MAGI2: variants seen among roughly 807,000 people sequenced by gnomAD.
The protein encoded by MAGI2 is membrane-associated guanylate kinase, WW and PDZ domain-containing protein 2.
In MAGI2, 35 loss-of-function variants were observed where a neutral mutation model predicts 133.3. The observed-to-expected ratio is 0.26, with a 90% CI of 0.20 to 0.35. The LOEUF (loss-of-function observed/expected upper bound fraction) is 0.35. Ranked by LOEUF, MAGI2 falls within the 10% of genes least tolerant of loss-of-function variation. MAGI2 has a pLI of 1.00. For synonymous variants in MAGI2, 729 were observed against 710.6 expected, an observed-to-expected ratio of 1.03 and a Z score of -0.41; for missense variants, 1,636 against 1,863.4, an observed-to-expected ratio of 0.88 and a Z score of 2.25.
chr7:78,379,332 A>G (rs1208210707), intron 6 of MAGI2, among the ~76,000 whole-genome samples: 1 of 152,024 alleles, frequency 6.6e-6, no homozygotes, highest in Non-Finnish European at 1.5e-5. Context: ...ACATTTAAAG[A>G]AAGTGACTCA....
At chr7:79,138,513 T>G (rs1201231162) in intron 1 of MAGI2, among the ~76,000 whole-genome samples, 1 of 152,232 alleles carries the variant, frequency 6.6e-6, no homozygotes, top group Non-Finnish European at 1.5e-5. Flanking sequence ...AGGCCCTCCT[T>G]CCATATTCAA....
intron 2 of MAGI2, among the ~76,000 whole-genome samples, chr7:78,840,398 G>T (rs899448850): frequency 2.6e-5 from 4 of 151,988 alleles, no homozygotes; most frequent in Non-Finnish European, 4.4e-5. Flanking sequence ...TGGAATGCTT[G>T]TTAAAACACA....
intron 12 of MAGI2, among the ~76,000 whole-genome samples, chr7:78,189,494 C>T (rs778764089): frequency 4.6e-5 from 7 of 152,200 alleles, no homozygotes; most frequent in African/African-American, 7.2e-5. Context: ...AGGCACATTA[C>T]ACCATACGGA....
chr7:78,614,533 G>C (rs1291100022), intron 3 of MAGI2: 1 of 152,020 alleles, frequency 6.6e-6, no homozygotes, highest in African/African-American at 2.4e-5. Flanking sequence ...AGAATATGCA[G>C]TTTTTAACTT....
intron 2 of MAGI2, among the ~76,000 whole-genome samples, chr7:78,912,746 T>G (rs1295843899): frequency 6.9e-6 from 1 of 145,804 alleles, no homozygotes; most frequent in African/African-American, 2.6e-5. Context: ...ATATATATCA[T>G]TCATATATAT....
intron 7 of MAGI2, chr7:78,350,609 G>A (rs1252140436): frequency 1.3e-5 from 2 of 152,196 alleles, no homozygotes; most frequent in Non-Finnish European, 2.9e-5. Context: ...TGCTCCTGAA[G>A]AGGACTTCTG....
At chr7:78,309,081 T>C (rs1417585795) in intron 9 of MAGI2, among the ~76,000 whole-genome samples, 1 of 152,220 alleles carries the variant, frequency 6.6e-6, no homozygotes, top group Non-Finnish European at 1.5e-5. Context: ...ACTTACACAC[T>C]GTTGGTGGGA....
At chr7:78,593,354 T>C (rs1292961186) in intron 3 of MAGI2, among the ~76,000 whole-genome samples, 2 of 151,950 alleles carry the variant, frequency 1.3e-5, no homozygotes, top group Admixed American at 6.6e-5. Context: ...ATCGCACTAC[T>C]GCACTCCAGC....
intron 1 of MAGI2, among the ~76,000 whole-genome samples, chr7:79,145,473 A>T (rs1822530782): frequency 6.6e-6 from 1 of 152,162 alleles, no homozygotes; most frequent in African/African-American, 2.4e-5. Context: ...CCTACAACTA[A>T]ACAAAATGTG....
At chr7:79,403,024 A>G (rs867220686) in intron 1 of MAGI2, among the ~76,000 whole-genome samples, 1 of 152,314 alleles carries the variant, frequency 6.6e-6, no homozygotes, top group African/African-American at 2.4e-5. Flanking sequence ...ATGAAGATTA[A>G]ATGTGATTAA....
At chr7:78,522,751 G>A (rs1796614481) in intron 3 of MAGI2, among the ~76,000 whole-genome samples, 1 of 152,160 alleles carries the variant, frequency 6.6e-6, no homozygotes, top group Non-Finnish European at 1.5e-5. Flanking sequence ...GGTAAAGAAC[G>A]TAGGTCATAT....
intron 3 of MAGI2, among the ~76,000 whole-genome samples, chr7:78,570,095 C>A (rs978046248): frequency 6.6e-6 from 1 of 151,890 alleles, no homozygotes; most frequent in Non-Finnish European, 1.5e-5. Context: ...GTTGCTATAC[C>A]CACTCTTGTA....
At chr7:79,357,547 T>C (rs1563148586) in intron 1 of MAGI2, among the ~76,000 whole-genome samples, 1 of 152,138 alleles carries the variant, frequency 6.6e-6, no homozygotes, top group Non-Finnish European at 1.5e-5. Context: ...AAAAATAAAG[T>C]CAAGCAAGCC....
intron 1 of MAGI2, among the ~76,000 whole-genome samples, chr7:79,343,043 C>A (rs1348500639): frequency 6.6e-6 from 1 of 152,052 alleles, no homozygotes; most frequent in African/African-American, 2.4e-5. Context: ...GGATTACAGG[C>A]GTGATCCATC....
chr7:78,980,289 T>C (rs558352145), intron 2 of MAGI2, among the ~76,000 whole-genome samples: 34 of 152,004 alleles, frequency 2.2e-4, no homozygotes, highest in Non-Finnish European at 4.9e-4. Flanking sequence ...AAAAATCAGC[T>C]ATAATTATTA....
chr7:78,659,877 T>TA (rs1459482304), intron 2 of MAGI2, among the ~76,000 whole-genome samples: 2 of 152,130 alleles, frequency 1.3e-5, no homozygotes, highest in East Asian at 3.8e-4. Context: ...GGTTCAATTT[T>TA]AAAAAAGTTA....
chr7:78,658,255 A>G (rs1812522548), intron 2 of MAGI2, among the ~76,000 whole-genome samples: 1 of 151,558 alleles, frequency 6.6e-6, no homozygotes, highest in South Asian at 2.1e-4. Context: ...ATGGTGCTTG[A>G]GCAACTGAAT....
At chr7:78,929,616 C>T (rs533007075) in intron 2 of MAGI2, among the ~76,000 whole-genome samples, 1 of 152,128 alleles carries the variant, frequency 6.6e-6, no homozygotes, top group African/African-American at 2.4e-5. Context: ...AAACACATCA[C>T]TACAATGTCT....
chr7:78,445,962 C>T (rs764505800), intron 6 of MAGI2, among the ~76,000 whole-genome samples: 1 of 150,388 alleles, frequency 6.6e-6, no homozygotes, highest in African/African-American at 2.4e-5. Flanking sequence ...ACTTTTATTG[C>T]CTTTACTATT....
Sources: allele counts gnomAD v4.1 joint callset (sites outside exome capture counted in the v4.1 genomes callset), GRCh38; gene constraint gnomAD v4.1.1; transcripts MANE v1.5; gene names NCBI Gene and HGNC (gene_info 2026-07-23, HGNC 2026-07-21).